The following LDAF1 variants were observed in gnomAD, a reference collection of about 807,000 sequenced individuals.
LDAF1 encodes lipid droplet assembly factor 1, also known as PROMETHIN.
Under a neutral mutation model 13.5 loss-of-function variants are expected in LDAF1, and 7 were observed. The ratio of observed to expected loss-of-function variants is 0.52; its 90% CI spans 0.29 to 0.97. LDAF1 has a LOEUF of 0.97. LDAF1 is among the 50% of genes least tolerant of loss of function. LDAF1 has a pLI of 0.07. For synonymous variants in LDAF1, 69 were observed against 77.1 expected (o/e 0.89, Z 0.55); for missense variants, 148 against 193.2 (o/e 0.77, Z 1.39).
intron 2 of LDAF1, chr16:21,167,039 C>A: frequency 3.5e-6 from 3 of 853,490 alleles, no homozygotes; most frequent in Non-Finnish European, 5.5e-6. Flanking sequence ...TGTGGCCTGG[C>A]AGGGAGTGAA....
At chr16:21,174,283 A>G in intron 4 of LDAF1, 135 bp downstream of exon 4, 2 of 751,958 alleles carry the variant, frequency 2.7e-6, no homozygotes, top group Non-Finnish European at 4.0e-6. Context: ...TCAACCTCCA[A>G]GGCTCAAGCA....
At position 21,179,698 on chromosome 16, in the gene LDAF1, C is replaced by G; in HGVS notation, c.*142C>G. Reference sequence around the variant, plus strand: ...CGCTTTTTCACTTACTTGTAGGATCCCGCAGCAGCCAATTTAGGGATTGTG... The same window carrying G: ...CGCTTTTTCACTTACTTGTAGGATCGCGCAGCAGCCAATTTAGGGATTGTG... On this transcript the variant is annotated 3_prime_UTR_variant, in exon 5 of 5. Transcript: ENST00000233047. 1.5e-6 allele frequency: 1 copy of G among 651,530 alleles called. No homozygotes were observed. The highest frequency in any genetic ancestry group is 2.0e-5 in the South Asian group (1 of 51,042). 40.4% of individuals were successfully genotyped at this position (651,530 alleles called of 1,614,324 possible). A position where few individuals can be genotyped will look rare whatever the true frequency, so the allele number is the denominator to read the frequency against.
rs911565256 is a variant in LDAF1 at position 21,174,221 on chromosome 16, A to G, written c.404+73A>G. The G allele has an allele frequency of 5.0e-6, 7 of 1,392,490 alleles. No homozygotes were observed. The Admixed American group carries it at 8.9e-5, about 18-fold the overall frequency. 86.3% of individuals were successfully genotyped at this position (1,392,490 alleles called of 1,614,324 possible). A position where few individuals can be genotyped will look rare whatever the true frequency, so the allele number is the denominator to read the frequency against. ...TTTTGTTTTTTTGAGACAAGGCCTCACTCTGTCACTCAGGCTGGAGTGCAG... is the reference window on the plus strand; with the variant it reads ...TTTTGTTTTTTTGAGACAAGGCCTCGCTCTGTCACTCAGGCTGGAGTGCAG... On this transcript the variant is annotated intron_variant, in intron 4 of 4. Coordinates refer to ENST00000233047, the MANE Select transcript of LDAF1 (RefSeq NM_001301771.2).
At chr16:21,166,796 G>A (rs2093028091) in intron 2 of LDAF1, 34 of 1,508,438 alleles carry the variant, frequency 2.3e-5, no homozygotes, top group Non-Finnish European at 2.9e-5. Context: ...CCCACATTCT[G>A]TGTGGTGACT....
chr16:21,169,639 G>A (rs2093066272), intron 2 of LDAF1, among the ~76,000 whole-genome samples: 1 of 152,142 alleles, frequency 6.6e-6, no homozygotes, highest in Admixed American at 6.5e-5. Context: ...ACTCCTAGAT[G>A]ATCCAAGTAG....
chr16:21,171,713 G>A (rs1039236732), intron 3 of LDAF1, among the ~76,000 whole-genome samples: 1 of 151,958 alleles, frequency 6.6e-6, no homozygotes, highest in Non-Finnish European at 1.5e-5. Flanking sequence ...CTCTAGAATA[G>A]TGGTTCTTGA....
intron 3 of LDAF1, among the ~76,000 whole-genome samples, chr16:21,173,087 A>T (rs1365164497): frequency 3.9e-5 from 6 of 152,146 alleles, no homozygotes; most frequent in African/African-American, 1.4e-4. Context: ...TAATATTCCT[A>T]TTCAGAGTGG....
chr16:21,168,570 A>T (rs1377244650), intron 2 of LDAF1, among the ~76,000 whole-genome samples: 10 of 144,244 alleles, frequency 6.9e-5, no homozygotes, highest in Non-Finnish European at 1.2e-4. Flanking sequence ...ATACATATAT[A>T]AATATAATAT....
chr16:21,159,685 G>A (rs1024809206), intron 1 of LDAF1, among the ~76,000 whole-genome samples: 5 of 152,242 alleles, frequency 3.3e-5, no homozygotes, highest in African/African-American at 9.6e-5. Flanking sequence ...CCCCTCCGAG[G>A]AGTGAGTGAC....
intron 2 of LDAF1, among the ~76,000 whole-genome samples, chr16:21,163,538 G>T (rs956597997): frequency 6.6e-6 from 1 of 152,106 alleles, no homozygotes; most frequent in Non-Finnish European, 1.5e-5. Context: ...CTAGCCTCTT[G>T]GGAGGCTGAG....
At chr16:21,172,692 G>C (rs1342250043) in intron 3 of LDAF1, 1 of 178,752 alleles carries the variant, frequency 5.6e-6, no homozygotes, top group Non-Finnish European at 1.1e-5. Context: ...TGTTGTTTTA[G>C]TAGGTCTGGA....
At chr16:21,170,202 C>A (rs2093072915) in intron 2 of LDAF1, 1 of 502,888 alleles carries the variant, frequency 2.0e-6, no homozygotes, top group Non-Finnish European at 2.6e-6. Context: ...GGGGTTTCAT[C>A]ATGTTGGTCA....
At chr16:21,171,096 G>A (rs925686617) in intron 3 of LDAF1, among the ~76,000 whole-genome samples, 5 of 152,268 alleles carry the variant, frequency 3.3e-5, no homozygotes, top group Middle Eastern at 6.8e-3. Flanking sequence ...ATTAAGCAGA[G>A]AGGCCATTCA....
rs369128250 is a variant in LDAF1 at position 21,167,696 on chromosome 16, G to T, written c.97-2741G>T. 1.7e-3 allele frequency among the ~76,000 whole-genome samples: 152 copies of T among 89,096 alleles called. 2 individuals are homozygous for T. The highest frequency in any genetic ancestry group is 8.4e-3 in the South Asian group (18 of 2,134). 58.5% of individuals were successfully genotyped at this position (89,096 alleles called of 152,430 possible). ...ATTCTGAGTCCAAGACCTTAGGTTT[G>T]TTTTTTTTTTTTTGAAAAGGAGACT... On this transcript the variant is annotated intron_variant, in intron 2 of 4. Coordinates refer to ENST00000233047, the MANE Select transcript of LDAF1 (RefSeq NM_001301771.2).
chr16:21,165,499 ACAGTCCCTAAGTCCTGTGTATTCCT>A, intron 2 of LDAF1: 1 of 725,036 alleles, frequency 1.4e-6, no homozygotes, highest in Non-Finnish European at 1.7e-6. Context: ...CCTGTGCCAT[ACAGTCCCTAAGTCCTGTGTATTCCT>A]TCTTTTGTCA....
intron 2 of LDAF1, among the ~76,000 whole-genome samples, chr16:21,167,659 C>G (rs554324814): frequency 2.8e-5 from 4 of 141,202 alleles, no homozygotes; most frequent in Admixed American, 7.4e-5. Context: ...GCAGCTGTTG[C>G]AAGCATTGGA....
intron 4 of LDAF1, chr16:21,178,094 CA>C (rs1264787310): frequency 1.7e-6 from 1 of 597,124 alleles, no homozygotes; most frequent in Non-Finnish European, 2.1e-6. Context: ...AAAAAGGAAA[CA>C]AAACTGTAAG....
chr16:21,166,782 C>T lies in LDAF1; in HGVS notation c.97-3655C>T, dbSNP rs935147159. ...TCAGGACCTGAGACAGCGCAAGGGA[C>T]CAGCCCACATTCTGTGTGGTGACTC... On this transcript the variant is annotated intron_variant, in intron 2 of 4. Coordinates refer to ENST00000233047, the MANE Select transcript of LDAF1 (RefSeq NM_001301771.2). The T allele has an allele frequency of 4.8e-6, 7 of 1,458,196 alleles. No homozygotes were observed. The African/African-American group carries it at 9.8e-5, about 20-fold the overall frequency. 90.3% of individuals were successfully genotyped at this position (1,458,196 alleles called of 1,614,324 possible).
intron 2 of LDAF1, among the ~76,000 whole-genome samples, chr16:21,163,368 A>G (rs1457644107): frequency 6.6e-6 from 1 of 152,172 alleles, no homozygotes; most frequent in Non-Finnish European, 1.5e-5. Flanking sequence ...ACTGCAGGCC[A>G]GGCGTGGTAG....
Sources: gnomAD v4.1 joint callset for allele counts (sites outside exome capture counted in the v4.1 genomes callset) on GRCh38, gnomAD v4.1.1 for gene constraint, MANE v1.5 for transcripts, NCBI Gene and HGNC (gene_info 2026-07-23, HGNC 2026-07-21) for gene names.